The following LIPI variants were observed in gnomAD, a reference collection of about 807,000 sequenced individuals.
LIPI encodes lipase I, also known as lipase member I.
In LIPI, 59 loss-of-function variants were observed where a neutral mutation model predicts 50.6. That is an observed-to-expected ratio of 1.16 (90% CI 0.94 to 1.45). LIPI has a LOEUF of 1.45. Among genes scored for constraint, LIPI ranks in the 40% most tolerant of loss-of-function variants. The pLI is 0.00. For synonymous variants in LIPI, 203 were observed against 178.2 expected, an observed-to-expected ratio of 1.14 and a Z score of -1.11; for missense variants, 586 against 536.3, an observed-to-expected ratio of 1.09 and a Z score of -0.92.
intron 2 of LIPI, among the ~76,000 whole-genome samples, chr21:14,186,947 T>C (rs1306791102): frequency 6.6e-6 from 1 of 152,154 alleles, no homozygotes; most frequent in East Asian, 1.9e-4. Context: ...TAGCCTATGG[T>C]ATTTTGTTAC....
chr21:14,111,551 T>C (rs768211030), intron 9 of LIPI, among the ~76,000 whole-genome samples: 26 of 152,154 alleles, frequency 1.7e-4, no homozygotes, highest in Non-Finnish European at 3.2e-4. Flanking sequence ...GTCTCTTACC[T>C]CTGTTAATTA....
intron 1 of LIPI, among the ~76,000 whole-genome samples, chr21:14,208,843 A>G (rs970863639): frequency 7.2e-5 from 11 of 152,168 alleles, no homozygotes; most frequent in African/African-American, 2.7e-4. Context: ...CTTGAGCCCA[A>G]GAGTTGGAGA....
chr21:14,172,430 A>G (rs1347213413), intron 4 of LIPI, among the ~76,000 whole-genome samples: 2 of 152,204 alleles, frequency 1.3e-5, no homozygotes, highest in South Asian at 2.1e-4. Flanking sequence ...TGTTTATTGC[A>G]GCACTATTCA....
chr21:14,172,351 G>A lies in LIPI; in HGVS notation c.644-5900C>T, dbSNP rs543897889. ...AGAACTAGAAATAGCATTTGACCCAGCAATCCCATTACTGGGTATATACCC... is the reference window on the plus strand; with the variant it reads ...AGAACTAGAAATAGCATTTGACCCAACAATCCCATTACTGGGTATATACCC... On this transcript the variant is annotated intron_variant, in intron 4 of 9. Coordinates refer to ENST00000681601, the MANE Select transcript of LIPI (RefSeq NM_001302998.2). Among the ~76,000 whole-genome samples, 6 of 152,306 alleles carry A rather than the reference G, an allele frequency of 3.9e-5. No individual in the cohort carries two copies. In the South Asian group the frequency reaches 1.2e-3, roughly 32 times the overall value.
chr21:14,205,435 A>G (rs1310793312), intron 1 of LIPI, among the ~76,000 whole-genome samples: 2 of 151,980 alleles, frequency 1.3e-5, no homozygotes, highest in South Asian at 2.1e-4. Context: ...CACATGAACC[A>G]TATGAATATA....
intron 4 of LIPI, among the ~76,000 whole-genome samples, chr21:14,173,445 T>G (rs1314653371): frequency 6.6e-6 from 1 of 152,156 alleles, no homozygotes; most frequent in Non-Finnish European, 1.5e-5. Flanking sequence ...ATGTACAGAT[T>G]CTGAGCCCAT....
chr21:14,189,116 G>A lies in LIPI; in HGVS notation c.350C>T (p.Ala117Val), dbSNP rs751628261. ...NVIVVDWSRG[A>V]TTFIYNRAVK... ...TGCTCTATTATAAATAAAAGTTGTA[G>A]CACCCCGGCTCCAGTCTACTACAAT... Residue 117 changes from alanine to valine, a missense_variant, in exon 2 of 10, where the codon GCT becomes GTT. Physicochemically the swap from Ala to Val is moderately conservative, Grantham distance 64. Transcript: ENST00000681601. The A allele has an allele frequency of 6.2e-7, 1 of 1,613,136 alleles. No homozygotes were observed. The highest frequency in any genetic ancestry group is 8.5e-7 in the Non-Finnish European group (1 of 1,179,852).
intron 7 of LIPI, among the ~76,000 whole-genome samples, chr21:14,160,595 T>C (rs2018428145): frequency 6.6e-6 from 1 of 151,360 alleles, no homozygotes; most frequent in African/African-American, 2.4e-5. Flanking sequence ...AACACAGAGT[T>C]CTTAGACTTG....
intron 3 of LIPI, among the ~76,000 whole-genome samples, chr21:14,183,276 A>C (rs2019337612): frequency 6.6e-6 from 1 of 152,194 alleles, no homozygotes; most frequent in Admixed American, 6.5e-5. Flanking sequence ...AGCCATATGT[A>C]GAAAGCTGAA....
intron 1 of LIPI, among the ~76,000 whole-genome samples, 184 bp downstream of exon 1, chr21:14,210,614 AAC>A (rs67755671): frequency 0.027 from 4,075 of 152,002 alleles, 179 homozygotes; most frequent in African/African-American, 0.092. Flanking sequence ...TTATTAAACA[AAC>A]ACATGCACAC....
chr21:14,151,251 T>A (rs182510256), intron 8 of LIPI, among the ~76,000 whole-genome samples: 83 of 152,334 alleles, frequency 5.4e-4, no homozygotes, highest in Middle Eastern at 3.4e-3. Flanking sequence ...GTGCTAATAA[T>A]ACTGTAACAT....
chr21:14,155,278 C>T (rs895687118), intron 7 of LIPI, among the ~76,000 whole-genome samples: 1 of 151,716 alleles, frequency 6.6e-6, no homozygotes, highest in Non-Finnish European at 1.5e-5. Context: ...GAGGGCCAGT[C>T]AATCTTAATG....
chr21:14,196,098 G>T (rs2019834307), intron 1 of LIPI, among the ~76,000 whole-genome samples: 1 of 141,702 alleles, frequency 7.1e-6, no homozygotes, highest in Admixed American at 7.3e-5. Flanking sequence ...ATAAAAACAT[G>T]TCCTTACCAC....
chr21:14,205,074 A>C (rs1459391254), intron 1 of LIPI, among the ~76,000 whole-genome samples: 1 of 151,860 alleles, frequency 6.6e-6, no homozygotes, highest in Admixed American at 6.6e-5. Context: ...ACACCAGGTA[A>C]GGGATATAAA....
At chr21:14,146,190 C>G (rs1458785863) in intron 8 of LIPI, among the ~76,000 whole-genome samples, 2 of 151,978 alleles carry the variant, frequency 1.3e-5, no homozygotes, top group Non-Finnish European at 2.9e-5. Context: ...CATGTATCCA[C>G]TGTCATTTAT....
At chr21:14,118,085 A>G (rs1374090287) in intron 9 of LIPI, among the ~76,000 whole-genome samples, 1 of 151,978 alleles carries the variant, frequency 6.6e-6, no homozygotes, top group African/African-American at 2.4e-5. Context: ...GTCCAGAGAA[A>G]GAATAGGACA....
intron 9 of LIPI, among the ~76,000 whole-genome samples, chr21:14,117,866 G>C (rs984418336): frequency 6.6e-6 from 1 of 152,060 alleles, no homozygotes; most frequent in Non-Finnish European, 1.5e-5. Flanking sequence ...GCCAAGCGTA[G>C]AGTGAAGGAA....
At chr21:14,202,749 A>T (rs2020101133) in intron 1 of LIPI, among the ~76,000 whole-genome samples, 1 of 152,170 alleles carries the variant, frequency 6.6e-6, no homozygotes, top group Non-Finnish European at 1.5e-5. Context: ...AACCTAGGCC[A>T]TACCATTCAG....
chr21:14,194,512 A>C (rs565943075), intron 1 of LIPI, among the ~76,000 whole-genome samples: 2 of 152,184 alleles, frequency 1.3e-5, no homozygotes, highest in Non-Finnish European at 2.9e-5. Flanking sequence ...ATAACTTTGA[A>C]GACATTATGT....
Sources: allele counts gnomAD v4.1 joint callset (sites outside exome capture counted in the v4.1 genomes callset), GRCh38; gene constraint gnomAD v4.1.1; transcripts MANE v1.5; gene names NCBI Gene and HGNC (gene_info 2026-07-23, HGNC 2026-07-21).